Variants in IRAK1BP1 observed in about 807,000 individuals in gnomAD.
IRAK1BP1 encodes the protein interleukin 1 receptor associated kinase 1 binding protein 1, also known as interleukin-1 receptor-associated kinase 1-binding protein 1.
In IRAK1BP1, 24 loss-of-function variants were observed where a neutral mutation model predicts 28.0. That is an observed-to-expected ratio of 0.86 (90% CI 0.62 to 1.20). The LOEUF (loss-of-function observed/expected upper bound fraction) is 1.20. IRAK1BP1 is among the 50% of genes most tolerant of loss of function. The probability of loss-of-function intolerance (pLI) is 0.00; values close to 1 mark genes in which losing one functional copy is unlikely to be tolerated. For missense variants in IRAK1BP1, 336 were observed against 316.7 expected, an observed-to-expected ratio of 1.06 and a Z score of -0.46; for synonymous variants, 131 against 116.3, an observed-to-expected ratio of 1.13 and a Z score of -0.81.
intron 4 of IRAK1BP1, among the ~76,000 whole-genome samples, chr6:78,912,198 T>C (rs762231611): frequency 2.6e-5 from 4 of 152,124 alleles, no homozygotes; most frequent in Non-Finnish European, 4.4e-5. Context: ...TGGAAAAGTT[T>C]GATGATAAGA....
chr6:78,974,235 C>T, the IRAK1BP1 span, among the ~76,000 whole-genome samples: 27 of 152,208 alleles, frequency 1.8e-4, no homozygotes, highest in African/African-American at 6.5e-4. Flanking sequence ...CTCAAAACCG[C>T]TCAACTACAT....
At chr6:78,912,167 G>A (rs1294304496) in intron 4 of IRAK1BP1, among the ~76,000 whole-genome samples, 2 of 152,012 alleles carry the variant, frequency 1.3e-5, no homozygotes, top group African/African-American at 4.8e-5. Flanking sequence ...TCCCAGAAGA[G>A]GATTTCCTTT....
the IRAK1BP1 span, among the ~76,000 whole-genome samples, chr6:78,954,472 T>G: frequency 2.0e-5 from 3 of 152,062 alleles, no homozygotes; most frequent in African/African-American, 7.2e-5. Flanking sequence ...CATTATTCTT[T>G]TTTTCTAGAT....
chr6:78,948,691 A>C (rs1385556554), downstream of IRAK1BP1, among the ~76,000 whole-genome samples: 1 of 152,090 alleles, frequency 6.6e-6, no homozygotes, highest in African/African-American at 2.4e-5. Flanking sequence ...GACGGGTCTT[A>C]GCATGTTGCT....
At chr6:78,917,905 C>A (rs1031599880) in intron 4 of IRAK1BP1, among the ~76,000 whole-genome samples, 4 of 152,176 alleles carry the variant, frequency 2.6e-5, no homozygotes, top group Admixed American at 6.5e-5. Context: ...GTCAGCCTTA[C>A]AAGAGATCCT....
chr6:78,951,311 T>C (rs1225971307), downstream of IRAK1BP1, among the ~76,000 whole-genome samples: 1 of 152,186 alleles, frequency 6.6e-6, no homozygotes, highest in African/African-American at 2.4e-5. Flanking sequence ...ACATAATAGC[T>C]GCTCAATACA....
At chr6:78,921,813 G>A (rs1772738500) in intron 4 of IRAK1BP1, among the ~76,000 whole-genome samples, 1 of 152,184 alleles carries the variant, frequency 6.6e-6, no homozygotes, top group African/African-American at 2.4e-5. Context: ...CAGGAAAACA[G>A]GGTCTGGAGT....
Position 78,902,808 on chromosome 6 carries a change from A to G in IRAK1BP1, c.*4474A>G, listed in dbSNP as rs1458005499. 2.0e-6 allele frequency: 1 copy of G among 491,558 alleles called. No individual in the cohort carries two copies. Among genetic ancestry groups the G allele is most frequent in the East Asian group, 3.1e-5 (1 of 31,814 alleles). The allele number at this position is 491,558 out of a possible 1,614,324, so 30.4% of individuals were successfully genotyped here. ...CATACATACATACATACATACATAC[A>G]TACATACATACATAAAATGCCCAGT... On this transcript the variant is annotated 3_prime_UTR_variant, in exon 4 of 4. Coordinates refer to ENST00000369940, the MANE Select transcript of IRAK1BP1 (RefSeq NM_001010844.4).
intron 4 of IRAK1BP1, among the ~76,000 whole-genome samples, chr6:78,912,197 T>C (rs1265703205): frequency 7.2e-5 from 11 of 152,114 alleles, no homozygotes; most frequent in Non-Finnish European, 1.6e-4. Flanking sequence ...CTGGAAAAGT[T>C]TGATGATAAG....
the IRAK1BP1 span, among the ~76,000 whole-genome samples, chr6:78,966,238 T>C: frequency 6.6e-6 from 1 of 152,236 alleles, no homozygotes; most frequent in Non-Finnish European, 1.5e-5. Flanking sequence ...AGGAATTTAG[T>C]AAGCATACTT....
intron 2 of IRAK1BP1, among the ~76,000 whole-genome samples, chr6:78,887,651 G>T (rs989178132): frequency 6.6e-6 from 1 of 152,080 alleles, no homozygotes; most frequent in Non-Finnish European, 1.5e-5. Flanking sequence ...GGGCGACAGA[G>T]CAAGACTCCA....
At chr6:78,873,602 C>A (rs901685463) in intron 1 of IRAK1BP1, among the ~76,000 whole-genome samples, 3 of 152,002 alleles carry the variant, frequency 2.0e-5, no homozygotes, top group Admixed American at 1.3e-4. Flanking sequence ...CCTCAGCCTC[C>A]CAAATAGCTA....
At chr6:78,957,486 C>T in the IRAK1BP1 span, 3 of 151,062 alleles carry the variant, frequency 2.0e-5, no homozygotes, top group African/African-American at 4.9e-5. Context: ...TTTTCTTATA[C>T]TGAAATGACC....
At chr6:78,930,240 G>A (rs1773007934) in intron 4 of IRAK1BP1, among the ~76,000 whole-genome samples, 1 of 152,152 alleles carries the variant, frequency 6.6e-6, no homozygotes. Context: ...TTTTATAACA[G>A]TAATTGTTCT....
intron 2 of IRAK1BP1, among the ~76,000 whole-genome samples, chr6:78,893,709 C>A (rs1224176055): frequency 6.6e-6 from 1 of 151,984 alleles, no homozygotes; most frequent in Non-Finnish European, 1.5e-5. Context: ...TCAAAACCAG[C>A]CTGGCCAACA....
chr6:78,932,529 C>A (rs142318991), intron 4 of IRAK1BP1, among the ~76,000 whole-genome samples: 38 of 146,866 alleles, frequency 2.6e-4, no homozygotes, highest in African/African-American at 9.0e-4. Context: ...TCAAGCAATT[C>A]TCCTGCCTCA....
chr6:78,927,050 T>G (rs1772908742), intron 4 of IRAK1BP1, among the ~76,000 whole-genome samples: 1 of 152,154 alleles, frequency 6.6e-6, no homozygotes, highest in African/African-American at 2.4e-5. Context: ...TCCTTTTTTT[T>G]TTGGTGTATA....
chr6:78,970,488 A>C, the IRAK1BP1 span, among the ~76,000 whole-genome samples: 1 of 152,196 alleles, frequency 6.6e-6, no homozygotes. Context: ...CAAATCTAGA[A>C]ATACGCATCA....
At chr6:78,867,929 A>C (rs755438653) in intron 1 of IRAK1BP1, 38 bp downstream of exon 1, 14 of 1,500,344 alleles carry the variant, frequency 9.3e-6, no homozygotes, top group African/African-American at 1.4e-5. Flanking sequence ...GAGCCGGAAG[A>C]CACAAAAGGG....
Sources: allele counts gnomAD v4.1 joint callset (sites outside exome capture counted in the v4.1 genomes callset), GRCh38; gene constraint gnomAD v4.1.1; transcripts MANE v1.5; gene names NCBI Gene and HGNC (gene_info 2026-07-23, HGNC 2026-07-21).